Variants in DIAPH3 observed in about 807,000 individuals in gnomAD.
DIAPH3 encodes the protein diaphanous related formin 3, also known as protein diaphanous homolog 3.
A neutral mutation model predicts 144.3 loss-of-function variants in DIAPH3; 117 were observed. That is an observed-to-expected ratio of 0.81 (90% CI 0.70 to 0.95). The LOEUF (loss-of-function observed/expected upper bound fraction) is 0.95. Ranked by LOEUF, DIAPH3 falls within the 40% of genes least tolerant of loss-of-function variation. DIAPH3 has a pLI of 0.00. For synonymous variants in DIAPH3, 519 were observed against 488.9 expected, an observed-to-expected ratio of 1.06 and a Z score of -0.81; for missense variants, 1,421 against 1,412.7, an observed-to-expected ratio of 1.01 and a Z score of -0.09.
intron 27 of DIAPH3, among the ~76,000 whole-genome samples, chr13:59,689,715 T>A (rs892517927): frequency 6.6e-6 from 1 of 151,770 alleles, no homozygotes. Flanking sequence ...GTGGAAAGAT[T>A]TGGCAGATGT....
At chr13:60,109,369 C>A (rs776648883) in intron 3 of DIAPH3, among the ~76,000 whole-genome samples, 2 of 152,158 alleles carry the variant, frequency 1.3e-5, no homozygotes, top group African/African-American at 4.8e-5. Flanking sequence ...TAATACAACA[C>A]TCTAGGAAAC....
chr13:59,832,925 A>G (rs2041851774), intron 24 of DIAPH3, 182 bp downstream of exon 24: 5 of 594,816 alleles, frequency 8.4e-6, no homozygotes, highest in Non-Finnish European at 1.2e-5. Flanking sequence ...TTAATGTTGG[A>G]AAGGCCAAAA....
At chr13:59,847,691 C>T (rs2042725656) in intron 22 of DIAPH3, among the ~76,000 whole-genome samples, 1 of 152,138 alleles carries the variant, frequency 6.6e-6, no homozygotes, top group African/African-American at 2.4e-5. Context: ...GGCAATTTTA[C>T]TGCTTTTTAC....
chr13:60,129,443 T>C (rs575858332), intron 2 of DIAPH3, among the ~76,000 whole-genome samples: 14 of 152,344 alleles, frequency 9.2e-5, no homozygotes, highest in African/African-American at 3.1e-4. Context: ...TAGCAATCCT[T>C]TATTCCTTTA....
At chr13:60,043,013 GTAATA>G (rs1357680045) in intron 4 of DIAPH3, among the ~76,000 whole-genome samples, 193 bp from the exon 5 acceptor site, 1 of 152,156 alleles carries the variant, frequency 6.6e-6, no homozygotes, top group African/African-American at 2.4e-5. Flanking sequence ...ACAAAAGATA[GTAATA>G]TAACATCAGA....
intron 25 of DIAPH3, 145 bp downstream of exon 25, chr13:59,810,643 A>G (rs1335179182): frequency 3.3e-6 from 3 of 912,034 alleles, no homozygotes; most frequent in Non-Finnish European, 4.9e-6. Flanking sequence ...AAAGAAGACC[A>G]TAAAGAAAGA....
At chr13:59,826,908 C>T (rs1161162671) in intron 24 of DIAPH3, among the ~76,000 whole-genome samples, 2 of 151,732 alleles carry the variant, frequency 1.3e-5, no homozygotes, top group Admixed American at 1.3e-4. Context: ...CTTTGACAAA[C>T]CTGACAAAAA....
intron 1 of DIAPH3, among the ~76,000 whole-genome samples, chr13:60,138,105 T>C (rs2059337784): frequency 6.6e-6 from 1 of 152,188 alleles, no homozygotes; most frequent in Non-Finnish European, 1.5e-5. Context: ...AGACACAATT[T>C]TCATAAGCTA....
intron 17 of DIAPH3, among the ~76,000 whole-genome samples, chr13:59,929,672 C>G (rs1419438507): frequency 6.7e-6 from 1 of 149,550 alleles, no homozygotes; most frequent in Non-Finnish European, 1.5e-5. Context: ...AAGCAATTCT[C>G]CTGCCTCGGC....
chr13:59,851,894 A>G (rs1303003287), intron 22 of DIAPH3, among the ~76,000 whole-genome samples: 2 of 152,160 alleles, frequency 1.3e-5, no homozygotes, highest in African/African-American at 2.4e-5. Context: ...CTGGGATTAC[A>G]GGCGTGAGCC....
At position 60,112,747 on chromosome 13, in the gene DIAPH3, C is replaced by A. The variant is rs12429332; in HGVS notation, c.214-561G>T. Among the ~76,000 whole-genome samples, 33 of 152,270 alleles carry A rather than the reference C, an allele frequency of 2.2e-4. 1 individual carries two copies. Among genetic ancestry groups the A allele is most frequent in the Admixed American group, 2.2e-3 (33 of 15,302 alleles). ...GTCTGTATGTGAACTTCTTGAATAT[C>A]TACAGGGCAAAATGGTTAAGGCCTT... is the stretch of plus-strand genomic sequence containing the variant. On this transcript the variant is annotated intron_variant, in intron 2 of 27. Coordinates refer to ENST00000400324, the MANE Select transcript of DIAPH3 (RefSeq NM_001042517.2).
At chr13:60,062,210 T>C (rs1035824383) in intron 4 of DIAPH3, among the ~76,000 whole-genome samples, 1 of 152,180 alleles carries the variant, frequency 6.6e-6, no homozygotes, top group Admixed American at 6.5e-5. Flanking sequence ...CAAAAAACAT[T>C]TTAAAAAATT....
intron 27 of DIAPH3, among the ~76,000 whole-genome samples, chr13:59,707,563 A>G (rs1458471210): frequency 6.6e-6 from 1 of 152,232 alleles, no homozygotes; most frequent in Admixed American, 6.5e-5. Flanking sequence ...TAAATTCCCC[A>G]AAGTTTATAA....
intron 20 of DIAPH3, among the ~76,000 whole-genome samples, chr13:59,899,224 G>A (rs147329382): frequency 6.6e-6 from 1 of 152,198 alleles, no homozygotes; most frequent in East Asian, 1.9e-4. Context: ...CCTATTGTGG[G>A]ACCTCACCTT....
Position 59,974,391 on chromosome 13 carries a change from A to G in DIAPH3, c.1611T>C (p.Ile537=). Residue 537 remains isoleucine (I), a synonymous_variant, in exon 15 of 28, where the codon ATT becomes ATC. Coordinates refer to ENST00000400324, the MANE Select transcript of DIAPH3 (RefSeq NM_001042517.2). The stretch of plus-strand genomic sequence containing the variant: ...CTTGTAGCTCTGCTTGAAGCTCATT[A>G]ATCTTTGCCTCTTTTTTCTGCAATT... ...QAELQKKEAK[I]NELQAELQAF... 1 of 1,612,190 alleles carries G rather than the reference A, an allele frequency of 6.2e-7. No homozygotes were observed. Among genetic ancestry groups the G allele is most frequent in the Non-Finnish European group, 8.5e-7 (1 of 1,179,446 alleles).
chr13:60,081,578 A>G (rs1192546808), intron 4 of DIAPH3, among the ~76,000 whole-genome samples: 1 of 152,058 alleles, frequency 6.6e-6, no homozygotes, highest in Non-Finnish European at 1.5e-5. Context: ...ACAAAAAAAG[A>G]CAAAATAACT....
chr13:60,144,843 T>C (rs1205312340), intron 1 of DIAPH3: 1 of 152,230 alleles, frequency 6.6e-6, no homozygotes, highest in African/African-American at 2.4e-5. Flanking sequence ...CAGTCCTTTG[T>C]GACGGCCAGC....
chr13:59,992,312 A>C, intron 10 of DIAPH3, 126 bp from the exon 11 acceptor site: 2 of 1,023,722 alleles, frequency 2.0e-6, no homozygotes, highest in African/African-American at 3.2e-5. Flanking sequence ...TTAAAGTGTT[A>C]AATAACACTC....
chr13:59,719,533 C>A (rs554910157), intron 27 of DIAPH3, among the ~76,000 whole-genome samples: 1 of 152,116 alleles, frequency 6.6e-6, no homozygotes, highest in East Asian at 2.0e-4. Context: ...AGGCCATGAG[C>A]AGCTATTGGA....
Sources: gnomAD v4.1 joint callset for allele counts (sites outside exome capture counted in the v4.1 genomes callset) on GRCh38, gnomAD v4.1.1 for gene constraint, MANE v1.5 for transcripts, NCBI Gene and HGNC (gene_info 2026-07-23, HGNC 2026-07-21) for gene names.